Variants in CAMTA1 observed in about 807,000 individuals in gnomAD.
CAMTA1 encodes the protein calmodulin binding transcription activator 1, also known as calmodulin-binding transcription activator 1.
A neutral mutation model predicts 170.9 loss-of-function variants in CAMTA1; 27 were observed. The observed-to-expected ratio is 0.16, with a 90% CI of 0.12 to 0.22. The LOEUF (loss-of-function observed/expected upper bound fraction) is 0.22, where lower values mean the gene tolerates loss of function less well. Among genes scored for constraint, CAMTA1 ranks in the 10% least tolerant of loss-of-function variants. CAMTA1 has a pLI of 1.00. For synonymous variants in CAMTA1, 833 were observed against 891.5 expected (o/e 0.93, Z 1.17); for missense variants, 1,619 against 2,217.2 (o/e 0.73, Z 5.42).
rs138322660 is a variant in CAMTA1 at position 6,897,128 on chromosome 1, G to T, written c.234+71918G>T. Among the ~76,000 whole-genome samples, 814 of 152,260 alleles carry T rather than the reference G, an allele frequency of 5.3e-3. 8 individuals are homozygous for T. Among genetic ancestry groups the T allele is most frequent in the African/African-American group, 0.018 (738 of 41,538 alleles). On this transcript the variant is annotated intron_variant, in intron 3 of 22. Coordinates refer to ENST00000303635, the MANE Select transcript of CAMTA1 (RefSeq NM_015215.4). ...AGCTGAAGATGCCTCGACTCTGCCT[G>T]GTTCCCCACTTGCCTGAGTAGAGAA...
At chr1:7,754,695 T>A (rs571247219) in intron 21 of CAMTA1, among the ~76,000 whole-genome samples, 132 of 152,314 alleles carry the variant, frequency 8.7e-4, no homozygotes, top group Non-Finnish European at 1.6e-3. Flanking sequence ...GAAGAGAACA[T>A]CAGATACGGG....
intron 12 of CAMTA1, among the ~76,000 whole-genome samples, chr1:7,735,296 G>A (rs779685575): frequency 6.6e-6 from 1 of 152,118 alleles, no homozygotes. Flanking sequence ...GGGTGTTCGA[G>A]ACCAGCCTGG....
intron 5 of CAMTA1, among the ~76,000 whole-genome samples, chr1:7,291,471 G>C (rs1017116499): frequency 3.3e-5 from 5 of 152,230 alleles, no homozygotes; most frequent in Admixed American, 1.3e-4. Flanking sequence ...GCCTGGCCCA[G>C]AGCCTGTTCC....
chr1:6,951,892 G>T (rs769570400), intron 3 of CAMTA1, among the ~76,000 whole-genome samples: 2 of 152,164 alleles, frequency 1.3e-5, no homozygotes, highest in Non-Finnish European at 2.9e-5. Context: ...TGTGAGACAT[G>T]CCGTGCGAAC....
chr1:6,951,241 G>T (rs975235718), intron 3 of CAMTA1, among the ~76,000 whole-genome samples: 1 of 152,184 alleles, frequency 6.6e-6, no homozygotes, highest in African/African-American at 2.4e-5. Flanking sequence ...GAGGCCACAG[G>T]TGGGGGATCT....
intron 4 of CAMTA1, among the ~76,000 whole-genome samples, chr1:7,148,146 C>T (rs948272118): frequency 2.0e-5 from 3 of 150,792 alleles, no homozygotes; most frequent in South Asian, 4.2e-4. Flanking sequence ...TGCATACACA[C>T]ACGACACAAA....
At chr1:6,945,541 G>A (rs1687428906) in intron 3 of CAMTA1, among the ~76,000 whole-genome samples, 1 of 151,972 alleles carries the variant, frequency 6.6e-6, no homozygotes, top group South Asian at 2.1e-4. Context: ...TAGAGATGGG[G>A]TTTCGCCAGG....
chr1:7,251,670 C>G lies in CAMTA1; in HGVS notation c.438+2044C>G, dbSNP rs549369508. 3.9e-5 allele frequency among the ~76,000 whole-genome samples: 6 copies of G among 152,100 alleles called. No individual in the cohort carries two copies. The highest frequency in any genetic ancestry group is 8.8e-5 in the Non-Finnish European group (6 of 68,030). Reference sequence around the variant, plus strand: ...GAGAACAGGAGTCATATTCTCTGCCCCACGGACTCATGGTCAAGTTGAAGA... The same window carrying G: ...GAGAACAGGAGTCATATTCTCTGCCGCACGGACTCATGGTCAAGTTGAAGA... On this transcript the variant is annotated intron_variant, in intron 5 of 22. Coordinates refer to ENST00000303635, the MANE Select transcript of CAMTA1 (RefSeq NM_015215.4). This position sits in a 1 kb window ranked among gnomAD's most constrained non-coding sequence, Gnocchi z 5.1.
At chr1:7,135,880 G>C (rs74051142) in intron 4 of CAMTA1, among the ~76,000 whole-genome samples, 3,066 of 152,220 alleles carry the variant, frequency 0.02, 89 homozygotes, top group African/African-American at 0.062. Flanking sequence ...AAACCAACCT[G>C]GAAATCTCAG....
At chr1:7,716,311 A>G (rs2149723128) in intron 11 of CAMTA1, among the ~76,000 whole-genome samples, 1 of 152,304 alleles carries the variant, frequency 6.6e-6, no homozygotes, top group Admixed American at 6.5e-5. Context: ...GATTACAGGC[A>G]TGAGACACTG....
chr1:7,054,311 A>G (rs773852123), intron 3 of CAMTA1, among the ~76,000 whole-genome samples: 5 of 152,220 alleles, frequency 3.3e-5, no homozygotes, highest in Non-Finnish European at 7.3e-5. Flanking sequence ...CCGCCTCTGC[A>G]TGTCTGGGTT....
chr1:7,533,788 C>G (rs2094518282), intron 6 of CAMTA1, among the ~76,000 whole-genome samples: 1 of 152,042 alleles, frequency 6.6e-6, no homozygotes, highest in African/African-American at 2.4e-5. Context: ...TGGTGTGCAC[C>G]TGTAATCCCA....
Position 7,139,142 on chromosome 1 carries a change from CAAATATATAAAT to C in CAMTA1, c.302+47773_302+47784del, listed in dbSNP as rs1396036838. The stretch of plus-strand genomic sequence containing the variant: ...ATATATTTTTATAAATATAAATAAA[CAAATATATAAAT>C]ATAAATATATATAAATATATAAAAT... On this transcript the variant is annotated intron_variant, in intron 4 of 22. Coordinates refer to ENST00000303635, the MANE Select transcript of CAMTA1 (RefSeq NM_015215.4). Among the ~76,000 whole-genome samples, 8 of 133,140 alleles carry C rather than the reference CAAATATATAAAT, an allele frequency of 6.0e-5. No individual in the cohort carries two copies. In the South Asian group the frequency reaches 1.6e-3, roughly 26 times the overall value. 87.3% of individuals were successfully genotyped at this position (133,140 alleles called of 152,430 possible).
At chr1:7,503,505 G>C (rs1328692396) in intron 6 of CAMTA1, among the ~76,000 whole-genome samples, 3 of 152,176 alleles carry the variant, frequency 2.0e-5, no homozygotes, top group African/African-American at 7.2e-5. Flanking sequence ...CCGAAGGGGA[G>C]GGAATGGTCG....
chr1:7,273,160 A>T (rs1028905572), intron 5 of CAMTA1, among the ~76,000 whole-genome samples: 9 of 152,244 alleles, frequency 5.9e-5, no homozygotes, highest in African/African-American at 2.2e-4. Context: ...GTGATCCAAA[A>T]TGCTGGTGCT....
At chr1:7,061,660 G>A (rs1020313699) in intron 3 of CAMTA1, among the ~76,000 whole-genome samples, 1 of 146,982 alleles carries the variant, frequency 6.8e-6, no homozygotes, top group African/African-American at 2.5e-5. Context: ...CTGTGCAAAG[G>A]CCCTGAGGCA....
At chr1:7,638,306 C>G (rs553728304) in intron 6 of CAMTA1, among the ~76,000 whole-genome samples, 3 of 152,080 alleles carry the variant, frequency 2.0e-5, no homozygotes, top group African/African-American at 7.2e-5. Context: ...TTCCCTGCAG[C>G]GTCTGATATC....
At chr1:7,741,223 C>T (rs1167694596) in intron 16 of CAMTA1, among the ~76,000 whole-genome samples, 3 of 152,060 alleles carry the variant, frequency 2.0e-5, no homozygotes, top group African/African-American at 7.2e-5. Flanking sequence ...GATTTTGTTC[C>T]ACTCGTGATA....
chr1:7,670,668 G>T (rs543918210), intron 9 of CAMTA1, among the ~76,000 whole-genome samples: 1 of 152,194 alleles, frequency 6.6e-6, no homozygotes, highest in South Asian at 2.1e-4. Context: ...TGGAGCTGCC[G>T]GTCCTGGGGC....
Sources: allele counts gnomAD v4.1 joint callset (sites outside exome capture counted in the v4.1 genomes callset), GRCh38; gene constraint gnomAD v4.1.1; non-coding constraint Gnocchi (gnomAD v3.1); transcripts MANE v1.5; gene names NCBI Gene and HGNC (gene_info 2026-07-23, HGNC 2026-07-21).